Variants in TMEM117 observed in about 807,000 individuals in gnomAD.
TMEM117 encodes the protein transmembrane protein 117.
A neutral mutation model predicts 52.4 loss-of-function variants in TMEM117; 27 were observed. The observed-to-expected ratio is 0.51, with a 90% confidence interval of 0.38 to 0.71. The LOEUF is 0.71. Among genes scored for constraint, TMEM117 ranks in the 30% least tolerant of loss-of-function variants. The pLI, the probability that TMEM117 is intolerant of heterozygous loss-of-function variation, is 0.00. For missense variants in TMEM117, 556 were observed against 630.5 expected (o/e 0.88, Z 1.26); for synonymous variants, 215 against 206.3 (o/e 1.04, Z -0.36).
intron 5 of TMEM117, among the ~76,000 whole-genome samples, chr12:44,216,005 CTTTTTTT>C (rs778425747): frequency 2.3e-4 from 26 of 110,816 alleles, no homozygotes; most frequent in South Asian, 9.1e-4. Context: ...TTCTTTCTTT[CTTTTTTT>C]TTTTTTTTTT....
At chr12:43,826,485 C>G in the TMEM117 span, among the ~76,000 whole-genome samples, 1 of 152,188 alleles carries the variant, frequency 6.6e-6, no homozygotes, top group Admixed American at 6.5e-5. Context: ...ACCCACCTAA[C>G]TATAGACTTC....
intron 5 of TMEM117, among the ~76,000 whole-genome samples, chr12:44,259,604 G>C (rs1950298334): frequency 6.6e-6 from 1 of 152,124 alleles, no homozygotes; most frequent in South Asian, 2.1e-4. Context: ...ACCTTAGTAG[G>C]TAATTAAGTA....
At chr12:43,837,348 TTCTG>T (rs1401977581) in intron 1 of TMEM117, among the ~76,000 whole-genome samples, 2 of 152,270 alleles carry the variant, frequency 1.3e-5, no homozygotes, top group African/African-American at 2.4e-5. Context: ...TTTCTTTAAT[TTCTG>T]TCTTTCTTTC....
At chr12:44,328,782 A>T (rs1951229333) in intron 6 of TMEM117, among the ~76,000 whole-genome samples, 1 of 152,052 alleles carries the variant, frequency 6.6e-6, no homozygotes, top group Non-Finnish European at 1.5e-5. Flanking sequence ...AACCAATGTA[A>T]TGCAGAAAAG....
At chr12:43,901,226 G>C (rs375497961) in intron 2 of TMEM117, among the ~76,000 whole-genome samples, 1 of 152,202 alleles carries the variant, frequency 6.6e-6, no homozygotes, top group African/African-American at 2.4e-5. Context: ...GTTTCTGCTA[G>C]TAGCATATGA....
chr12:44,211,421 T>C (rs765460022), intron 5 of TMEM117, 34 bp downstream of exon 5: 1 of 1,478,522 alleles, frequency 6.8e-7, no homozygotes, highest in Non-Finnish European at 9.4e-7. Flanking sequence ...ATTTCTGCCT[T>C]GCCTCATTCA....
At chr12:43,832,292 G>T (rs149586547), upstream of TMEM117, among the ~76,000 whole-genome samples, 9 of 152,348 alleles carry the variant, frequency 5.9e-5, no homozygotes, top group African/African-American at 1.9e-4. Context: ...TAGGAAGGAA[G>T]AATGGCCTTT....
chr12:44,177,874 C>G (rs1592582781), intron 4 of TMEM117, among the ~76,000 whole-genome samples: 1 of 152,120 alleles, frequency 6.6e-6, no homozygotes, highest in Non-Finnish European at 1.5e-5. Flanking sequence ...CTTGACAAGT[C>G]TCAGTATTTG....
At chr12:43,933,981 T>G (rs1355013083) in intron 2 of TMEM117, among the ~76,000 whole-genome samples, 1 of 152,250 alleles carries the variant, frequency 6.6e-6, no homozygotes, top group African/African-American at 2.4e-5. Context: ...GTTTCTAATA[T>G]AATTATTTTA....
intron 3 of TMEM117, among the ~76,000 whole-genome samples, chr12:43,994,388 C>G (rs1178327156): frequency 6.6e-6 from 1 of 152,090 alleles, no homozygotes; most frequent in Non-Finnish European, 1.5e-5. Flanking sequence ...TCTTATATTC[C>G]TATCTCTCAT....
chr12:44,168,922 T>A (rs1192853452), intron 4 of TMEM117, among the ~76,000 whole-genome samples: 3 of 152,228 alleles, frequency 2.0e-5, no homozygotes, highest in African/African-American at 7.2e-5. Context: ...GGAATTTGAC[T>A]ACACTAGGCA....
chr12:44,181,852 C>T (rs1949204670), intron 4 of TMEM117, among the ~76,000 whole-genome samples: 1 of 151,450 alleles, frequency 6.6e-6, no homozygotes, highest in South Asian at 2.1e-4. Context: ...TTTTTGGTTC[C>T]ATATGAACTT....
At chr12:43,869,883 A>T (rs1461252224) in intron 2 of TMEM117, among the ~76,000 whole-genome samples, 1 of 152,182 alleles carries the variant, frequency 6.6e-6, no homozygotes, top group Non-Finnish European at 1.5e-5. Flanking sequence ...CCCAGCATCC[A>T]TTAACTTTTA....
chr12:44,122,521 C>G (rs957578226), intron 3 of TMEM117, among the ~76,000 whole-genome samples: 2 of 152,098 alleles, frequency 1.3e-5, no homozygotes, highest in African/African-American at 4.8e-5. Flanking sequence ...GATATTAGGC[C>G]CAGCATCCAT....
chr12:43,951,420 G>C (rs1945219657), intron 3 of TMEM117, among the ~76,000 whole-genome samples: 1 of 152,222 alleles, frequency 6.6e-6, no homozygotes, highest in Non-Finnish European at 1.5e-5. Flanking sequence ...CAGCACAGCA[G>C]TCTCGAATCT....
chr12:44,045,203 G>A (rs1243034608), intron 3 of TMEM117, among the ~76,000 whole-genome samples: 1 of 152,146 alleles, frequency 6.6e-6, no homozygotes, highest in Non-Finnish European at 1.5e-5. Flanking sequence ...GGTTACACAT[G>A]GGCTCAGCAA....
At chr12:44,017,711 A>G (rs1173407049) in intron 3 of TMEM117, among the ~76,000 whole-genome samples, 1 of 152,086 alleles carries the variant, frequency 6.6e-6, no homozygotes, top group Non-Finnish European at 1.5e-5. Context: ...CCTCTCCACC[A>G]CTTCAAAATA....
intron 5 of TMEM117, among the ~76,000 whole-genome samples, chr12:44,239,877 G>C (rs1372100918): frequency 6.6e-6 from 1 of 151,846 alleles, no homozygotes; most frequent in African/African-American, 2.4e-5. Context: ...TACCTCATAT[G>C]ACTTTTTTTT....
chr12:43,797,761 C>T, the TMEM117 span: 6 of 1,613,302 alleles, frequency 3.7e-6, no homozygotes, highest in Admixed American at 5.0e-5. Flanking sequence ...GCCTGAAAGG[C>T]TTCTCGAGAA....
Sources: allele counts gnomAD v4.1 joint callset (sites outside exome capture counted in the v4.1 genomes callset), GRCh38; gene constraint gnomAD v4.1.1; transcripts MANE v1.5; gene names NCBI Gene and HGNC (gene_info 2026-07-23, HGNC 2026-07-21).